RALA: variants seen among roughly 807,000 people sequenced by gnomAD.
The protein encoded by RALA is ras-related protein Ral-A.
RALA carries 5 observed loss-of-function variants against 24.0 expected under a neutral mutation model. That is an observed-to-expected ratio of 0.21 (90% CI 0.11 to 0.44). RALA has a LOEUF of 0.44. Among genes scored for constraint, RALA ranks in the 20% least tolerant of loss-of-function variants. The pLI is 0.99. For synonymous variants in RALA, 77 were observed against 83.8 expected (o/e 0.92, Z 0.44); for missense variants, 95 against 241.2 (o/e 0.39, Z 4.01).
intron 1 of RALA, among the ~76,000 whole-genome samples, chr7:39,648,661 T>C (rs1446649075): frequency 6.6e-6 from 1 of 152,154 alleles, no homozygotes; most frequent in Non-Finnish European, 1.5e-5. Context: ...TCATAAGGCT[T>C]TTATTCCCAG....
chr7:39,670,962 T>C (rs1192538649), intron 1 of RALA, among the ~76,000 whole-genome samples: 1 of 152,228 alleles, frequency 6.6e-6, no homozygotes, highest in Admixed American at 6.5e-5. Flanking sequence ...AGCTGCTTGT[T>C]TCCTTTCCTT....
At chr7:39,642,372 C>T (rs562851833) in intron 1 of RALA, among the ~76,000 whole-genome samples, 166 of 152,256 alleles carry the variant, frequency 1.1e-3, no homozygotes, top group African/African-American at 4.0e-3. Context: ...TTTGCAGATT[C>T]CTCTGGTGCT....
intron 4 of RALA, among the ~76,000 whole-genome samples, chr7:39,699,657 G>A (rs79076167): frequency 0.015 from 2,228 of 152,294 alleles, 38 homozygotes; most frequent in African/African-American, 0.049. Context: ...TAAAGTAAGT[G>A]AAACAAAGTA....
intron 4 of RALA, among the ~76,000 whole-genome samples, chr7:39,704,924 C>T (rs528879487): frequency 2.0e-5 from 3 of 152,290 alleles, no homozygotes; most frequent in African/African-American, 4.8e-5. Flanking sequence ...GATCTGCCCG[C>T]CTCGGCCTCC....
intron 1 of RALA, among the ~76,000 whole-genome samples, chr7:39,679,989 G>A (rs903807334): frequency 1.3e-5 from 2 of 151,850 alleles, no homozygotes; most frequent in South Asian, 2.1e-4. Context: ...GTGAGCCACC[G>A]CGCCTGGCCA....
chr7:39,626,535 C>T (rs778574376), intron 1 of RALA, among the ~76,000 whole-genome samples: 4 of 152,214 alleles, frequency 2.6e-5, no homozygotes, highest in Non-Finnish European at 5.9e-5. Flanking sequence ...GGGTTGCCAG[C>T]AGTCCTGGCC....
At chr7:39,703,601 C>A (rs1459298328) in intron 4 of RALA, among the ~76,000 whole-genome samples, 1 of 152,120 alleles carries the variant, frequency 6.6e-6, no homozygotes, top group African/African-American at 2.4e-5. Context: ...TTAGCAGCCA[C>A]AGCATAGTTA....
chr7:39,676,227 G>A (rs142168949), intron 1 of RALA, among the ~76,000 whole-genome samples: 1,590 of 152,126 alleles, frequency 0.01, 26 homozygotes, highest in African/African-American at 0.036. Context: ...TGCCTGCCTC[G>A]GCCTCCCAAA....
chr7:39,675,092 C>T (rs1438586075), intron 1 of RALA, among the ~76,000 whole-genome samples: 2 of 152,164 alleles, frequency 1.3e-5, no homozygotes, highest in Admixed American at 6.5e-5. Flanking sequence ...TCCCAAAGTG[C>T]TGGGATTACA....
intron 1 of RALA, among the ~76,000 whole-genome samples, chr7:39,635,490 TCATCAGTC>T (rs1301192678): frequency 2.6e-5 from 4 of 152,184 alleles, no homozygotes; most frequent in Non-Finnish European, 5.9e-5. Context: ...TACTCATTAG[TCATCAGTC>T]CTGATTTCTT....
chr7:39,684,712 TAA>T (rs34582850), intron 1 of RALA, among the ~76,000 whole-genome samples: 29 of 110,332 alleles, frequency 2.6e-4, no homozygotes, highest in Admixed American at 7.1e-4. Flanking sequence ...GCTGATGAGC[TAA>T]AAAAAAAAAA....
rs1427208907 is a variant in RALA, at chr7:39,706,721, A to T, written c.*476A>T. On this transcript the variant is annotated 3_prime_UTR_variant, in exon 5 of 5. Coordinates refer to ENST00000005257, the MANE Select transcript of RALA (RefSeq NM_005402.4). ...TTATGCAAAATTTAGAAGAAAAGTT[A>T]TTGGCATGGTTGTTGCATATAGTTA... 2 of 152,764 alleles carry T rather than the reference A, an allele frequency of 1.3e-5. No individual in the cohort carries two copies. The highest frequency in any genetic ancestry group is 1.3e-4 in the Admixed American group (2 of 15,282). 9.5% of individuals were successfully genotyped at this position (152,764 alleles called of 1,614,324 possible). A position where few individuals can be genotyped will look rare whatever the true frequency, so the allele number is the denominator to read the frequency against.
intron 1 of RALA, among the ~76,000 whole-genome samples, chr7:39,661,626 G>T (rs2115996344): frequency 6.6e-6 from 1 of 152,324 alleles, no homozygotes; most frequent in East Asian, 1.9e-4. Context: ...CAAAAGGTGG[G>T]TTCCCATGGT....
chr7:39,624,218 T>C (rs1791434733), intron 1 of RALA: 1 of 152,200 alleles, frequency 6.6e-6, no homozygotes, highest in East Asian at 1.9e-4. Flanking sequence ...TCTCCCCTCC[T>C]TCCCTTTCTT....
chr7:39,665,723 T>C (rs1234446975), intron 1 of RALA, among the ~76,000 whole-genome samples: 3 of 152,092 alleles, frequency 2.0e-5, no homozygotes, highest in Non-Finnish European at 2.9e-5. Flanking sequence ...AGCTTTTCTG[T>C]GCCACCCGTG....
intron 4 of RALA, among the ~76,000 whole-genome samples, chr7:39,699,571 T>C (rs1792986600): frequency 6.6e-6 from 1 of 152,250 alleles, no homozygotes; most frequent in African/African-American, 2.4e-5. Context: ...CTGGTTTAAA[T>C]AATGGAGTTT....
chr7:39,689,847 AGTT>A (rs1792784276), intron 2 of RALA, among the ~76,000 whole-genome samples: 1 of 152,242 alleles, frequency 6.6e-6, no homozygotes, highest in African/African-American at 2.4e-5. Context: ...GGGAATGTAA[AGTT>A]GTTGAATTGT....
chr7:39,697,373 T>C (rs1425564426), intron 4 of RALA: 1 of 456,700 alleles, frequency 2.2e-6, no homozygotes, highest in Non-Finnish European at 4.4e-6. Flanking sequence ...AAGTAAACAC[T>C]CTGCCCTCCT....
intron 4 of RALA, among the ~76,000 whole-genome samples, chr7:39,697,952 T>TGTGG (rs1285882748): frequency 2.4e-5 from 3 of 125,072 alleles, no homozygotes; most frequent in African/African-American, 8.6e-5. Flanking sequence ...AGGGCAAGTG[T>TGTGG]GTGTGTGTGT....
Sources: allele counts gnomAD v4.1 joint callset (sites outside exome capture counted in the v4.1 genomes callset), GRCh38; gene constraint gnomAD v4.1.1; transcripts MANE v1.5; gene names NCBI Gene and HGNC (gene_info 2026-07-23, HGNC 2026-07-21).